Variants in SMOC1 observed in about 807,000 individuals in gnomAD.
SMOC1 encodes SPARC related modular calcium binding 1, also known as SPARC-related modular calcium-binding protein 1.
A neutral mutation model predicts 56.3 loss-of-function variants in SMOC1; 22 were observed. That is an observed-to-expected ratio of 0.39 (90% CI 0.28 to 0.56). SMOC1 has a LOEUF of 0.56. Among genes scored for constraint, SMOC1 ranks in the 20% least tolerant of loss-of-function variants. The pLI is 0.61. For missense variants in SMOC1, 509 were observed against 565.4 expected (o/e 0.90, Z 1.01); for synonymous variants, 193 against 215.0 (o/e 0.90, Z 0.89).
chr14:69,943,576 G>A (rs1018830412), intron 1 of SMOC1, among the ~76,000 whole-genome samples: 9 of 152,222 alleles, frequency 5.9e-5, no homozygotes, highest in African/African-American at 1.2e-4. Flanking sequence ...GGTGAGAGGC[G>A]AACAGTCCCA....
chr14:70,011,645 C>T lies in SMOC1; in HGVS notation c.940+78C>T, dbSNP rs1164737627. 34 of 1,354,364 alleles carry T rather than the reference C, an allele frequency of 2.5e-5. No individual in the cohort carries two copies. The South Asian group carries it at 4.0e-4, about 16-fold the overall frequency. 83.9% of individuals were successfully genotyped at this position (1,354,364 alleles called of 1,614,324 possible). On this transcript the variant is annotated intron_variant, in intron 9 of 11. Transcript: ENST00000361956. ...CCTCTCATTATGCAGAAGAAGCTGT[C>T]TCCTCTTTGTCTGTTTCCCCATGTG...
At chr14:69,911,563 C>T (rs1884556875) in intron 1 of SMOC1, among the ~76,000 whole-genome samples, 1 of 152,170 alleles carries the variant, frequency 6.6e-6, no homozygotes, top group Non-Finnish European at 1.5e-5. Context: ...TTTTCTTTCT[C>T]TAGAGTTTCA....
intron 3 of SMOC1, among the ~76,000 whole-genome samples, chr14:69,969,576 C>T (rs996846185): frequency 3.3e-5 from 5 of 152,092 alleles, no homozygotes; most frequent in Admixed American, 1.3e-4. Context: ...AAACCCAGCC[C>T]GATGGTCCAG....
At chr14:70,020,127 G>A (rs560408285) in intron 10 of SMOC1, among the ~76,000 whole-genome samples, 11 of 150,130 alleles carry the variant, frequency 7.3e-5, no homozygotes, top group African/African-American at 2.4e-4. Context: ...CTAGATCAAG[G>A]GTTTTGTTTT....
At chr14:70,003,464 A>G (rs1161962164) in intron 7 of SMOC1, among the ~76,000 whole-genome samples, 1 of 152,184 alleles carries the variant, frequency 6.6e-6, no homozygotes, top group African/African-American at 2.4e-5. Context: ...TCTCATCCCT[A>G]CGGTTTATTC....
Position 70,023,198 on chromosome 14 carries a change from C to T in SMOC1, c.1047-5C>T, listed in dbSNP as rs1462882719. On this transcript the variant is annotated splice_region_variant and splice_polypyrimidine_tract_variant and intron_variant, in intron 10 of 11. Coordinates refer to ENST00000361956, the MANE Select transcript of SMOC1 (RefSeq NM_001034852.3). ...CTGCGGTGGGGGTGTTTGTCCATGG[C>T]CCAGGTTCTCAGAGCCAGACCCCAG... 1.9e-6 allele frequency: 3 copies of T among 1,614,018 alleles called. No homozygotes were observed. Among genetic ancestry groups the T allele is most frequent in the Non-Finnish European group, 2.5e-6 (3 of 1,180,000 alleles).
chr14:69,916,851 G>A (rs1400597895), intron 1 of SMOC1, among the ~76,000 whole-genome samples: 1 of 152,044 alleles, frequency 6.6e-6, no homozygotes, highest in Non-Finnish European at 1.5e-5. Context: ...AGATTATCAC[G>A]TACTTGTCAG....
chr14:70,025,370 C>T (rs1885885586), intron 11 of SMOC1, among the ~76,000 whole-genome samples: 1 of 152,150 alleles, frequency 6.6e-6, no homozygotes, highest in African/African-American at 2.4e-5. Context: ...GGAACCTGGG[C>T]TTGGGATCCA....
intron 3 of SMOC1, 40 bp downstream of exon 3, chr14:69,953,572 C>G (rs367603529): frequency 6.4e-7 from 1 of 1,564,460 alleles, no homozygotes; most frequent in Non-Finnish European, 8.8e-7. Flanking sequence ...TTTCCTGGAC[C>G]GAGGCAGAGG....
chr14:69,897,549 T>G (rs1357359780), intron 1 of SMOC1, among the ~76,000 whole-genome samples: 2 of 151,594 alleles, frequency 1.3e-5, no homozygotes, highest in Non-Finnish European at 1.5e-5. Flanking sequence ...TTCTCTTTTC[T>G]TAGTGTAGCA....
chr14:69,942,837 T>G (rs1882615395), intron 1 of SMOC1, among the ~76,000 whole-genome samples: 1 of 152,190 alleles, frequency 6.6e-6, no homozygotes, highest in African/African-American at 2.4e-5. Flanking sequence ...TGGGAGCATG[T>G]AGGTTAACTT....
At chr14:70,025,261 G>A (rs1320627828) in intron 11 of SMOC1, among the ~76,000 whole-genome samples, 5 of 152,210 alleles carry the variant, frequency 3.3e-5, no homozygotes, top group African/African-American at 1.2e-4. Flanking sequence ...ATTTCCTAAG[G>A]AGAGAGTTTA....
At chr14:69,941,496 C>T (rs1426306767) in intron 1 of SMOC1, among the ~76,000 whole-genome samples, 1 of 152,166 alleles carries the variant, frequency 6.6e-6, no homozygotes, top group Non-Finnish European at 1.5e-5. Context: ...CCCAAATGTG[C>T]CCCTTCTTTT....
chr14:69,988,226 T>C (rs1884435761), intron 5 of SMOC1, among the ~76,000 whole-genome samples: 1 of 152,068 alleles, frequency 6.6e-6, no homozygotes, highest in Non-Finnish European at 1.5e-5. Context: ...TTGTTTGTTT[T>C]CATGTTTCCA....
intron 3 of SMOC1, among the ~76,000 whole-genome samples, chr14:69,965,112 G>T (rs971271239): frequency 6.6e-6 from 1 of 152,014 alleles, no homozygotes; most frequent in Admixed American, 6.6e-5. Flanking sequence ...GTGCAGTAGC[G>T]CACGCCTGTA....
intron 3 of SMOC1, among the ~76,000 whole-genome samples, chr14:69,974,706 T>G (rs1883891923): frequency 6.6e-6 from 1 of 152,088 alleles, no homozygotes; most frequent in Admixed American, 6.5e-5. Context: ...TGACAGCTAC[T>G]GGAAGAGAAA....
chr14:69,956,167 A>G (rs560283447), intron 3 of SMOC1, among the ~76,000 whole-genome samples: 45 of 152,302 alleles, frequency 3.0e-4, no homozygotes, highest in African/African-American at 9.6e-4. Context: ...AGTTATGTAG[A>G]TAGTCAAGAA....
chr14:69,943,997 G>A (rs1229451120), intron 1 of SMOC1, among the ~76,000 whole-genome samples: 1 of 152,204 alleles, frequency 6.6e-6, no homozygotes, highest in East Asian at 1.9e-4. Context: ...ATCAGACTGA[G>A]AGGAGTGCTC....
intron 3 of SMOC1, among the ~76,000 whole-genome samples, chr14:69,959,271 A>T (rs1228447549): frequency 3.3e-5 from 5 of 152,234 alleles, no homozygotes; most frequent in Admixed American, 3.3e-4. Flanking sequence ...AATCCTAAAA[A>T]TTTGGAGATT....
Sources: gnomAD v4.1 joint callset for allele counts (sites outside exome capture counted in the v4.1 genomes callset) on GRCh38, gnomAD v4.1.1 for gene constraint, MANE v1.5 for transcripts, NCBI Gene and HGNC (gene_info 2026-07-23, HGNC 2026-07-21) for gene names.